The following IGF2BP2 variants were observed in gnomAD, a reference collection of about 807,000 sequenced individuals.
The protein encoded by IGF2BP2 is insulin-like growth factor 2 mRNA-binding protein 2.
IGF2BP2 carries 17 observed loss-of-function variants against 75.8 expected under a neutral mutation model. The observed-to-expected ratio is 0.22, with a 90% confidence interval of 0.15 to 0.34. IGF2BP2 has a LOEUF of 0.34. Ranked by LOEUF, IGF2BP2 falls within the 10% of genes least tolerant of loss-of-function variation. The probability of loss-of-function intolerance (pLI) is 1.00; values close to 1 mark genes in which losing one functional copy is unlikely to be tolerated. For synonymous variants in IGF2BP2, 288 were observed against 295.6 expected (o/e 0.97, Z 0.26); for missense variants, 516 against 772.4 (o/e 0.67, Z 3.93).
chr3:185,760,860 G>C (rs1379303715), intron 2 of IGF2BP2, among the ~76,000 whole-genome samples: 9 of 152,172 alleles, frequency 5.9e-5, no homozygotes, highest in African/African-American at 2.2e-4. Context: ...TTTAATAACT[G>C]TGTAGCATAT....
rs565363948 is a variant in IGF2BP2, at chr3:185,661,521, C to T, written c.1201-3112G>A. ...GCGTGGTGGTGGACACCTGCAATTC[C>T]AGCTATTCAGGAGGCTGAGGTGGGA... On this transcript the variant is annotated intron_variant, in intron 10 of 15. Coordinates refer to ENST00000382199, the MANE Select transcript of IGF2BP2 (RefSeq NM_006548.6). Among the ~76,000 whole-genome samples the T allele has an allele frequency of 1.3e-4, 20 of 151,380 alleles. No individual in the cohort carries two copies. The East Asian group carries it at 3.9e-3, about 29-fold the overall frequency.
At chr3:185,684,047 G>A (rs1424479775) in intron 7 of IGF2BP2, among the ~76,000 whole-genome samples, 7 of 152,164 alleles carry the variant, frequency 4.6e-5, no homozygotes, top group Admixed American at 4.6e-4. Context: ...TCTAACAGAT[G>A]CATTACTACT....
At chr3:185,671,639 A>C (rs1266911556) in intron 10 of IGF2BP2, among the ~76,000 whole-genome samples, 1 of 152,148 alleles carries the variant, frequency 6.6e-6, no homozygotes, top group African/African-American at 2.4e-5. Flanking sequence ...TGTGGGTGCC[A>C]GTTTGTGTCT....
intron 15 of IGF2BP2, among the ~76,000 whole-genome samples, chr3:185,646,450 C>G (rs760295385): frequency 1.3e-5 from 2 of 152,222 alleles, no homozygotes; most frequent in Non-Finnish European, 2.9e-5. Context: ...ACCAGGAACG[C>G]TCTCCCCAAA....
chr3:185,737,976 A>G (rs1046189805), intron 2 of IGF2BP2, among the ~76,000 whole-genome samples: 1 of 152,232 alleles, frequency 6.6e-6, no homozygotes, highest in Non-Finnish European at 1.5e-5. Flanking sequence ...TCAAATTTCC[A>G]AATAGTTTCC....
intron 7 of IGF2BP2, 37 bp from the exon 8 acceptor site, chr3:185,675,950 C>T (rs182953221): frequency 1.3e-4 from 208 of 1,596,144 alleles, no homozygotes; most frequent in Non-Finnish European, 1.6e-4. Context: ...ACTTCAGATA[C>T]GTATAACGGT....
intron 2 of IGF2BP2, among the ~76,000 whole-genome samples, chr3:185,723,254 G>A (rs1200893172): frequency 6.6e-6 from 1 of 152,148 alleles, no homozygotes; most frequent in Non-Finnish European, 1.5e-5. Flanking sequence ...TGGAAATCAT[G>A]ATATTGATTT....
intron 2 of IGF2BP2, among the ~76,000 whole-genome samples, chr3:185,816,155 A>G (rs1740571203): frequency 6.6e-6 from 1 of 152,190 alleles, no homozygotes; most frequent in Non-Finnish European, 1.5e-5. Flanking sequence ...CATTCACCAC[A>G]TGGCACATAG....
intron 2 of IGF2BP2, among the ~76,000 whole-genome samples, chr3:185,819,265 G>A (rs187893055): frequency 1.3e-5 from 2 of 151,864 alleles, no homozygotes; most frequent in Admixed American, 1.3e-4. Context: ...ATGTTTAGGT[G>A]TTTAGCCATT....
At chr3:185,786,476 G>A (rs111383767) in intron 2 of IGF2BP2, among the ~76,000 whole-genome samples, 157 of 152,166 alleles carry the variant, frequency 1.0e-3, no homozygotes, top group African/African-American at 3.6e-3. Flanking sequence ...CCTTAACTGA[G>A]CAATTAACCT....
At chr3:185,646,986 G>C (rs1388344182) in intron 15 of IGF2BP2, 39 bp downstream of exon 15, 1 of 1,473,520 alleles carries the variant, frequency 6.8e-7, no homozygotes, top group Admixed American at 1.7e-5. Flanking sequence ...GAATTGAAAA[G>C]AGACTTGCAG....
At chr3:185,782,324 G>A (rs1216948462) in intron 2 of IGF2BP2, among the ~76,000 whole-genome samples, 3 of 152,054 alleles carry the variant, frequency 2.0e-5, no homozygotes, top group South Asian at 2.1e-4. Flanking sequence ...AAAATCACAC[G>A]GCTAATTTCT....
chr3:185,706,302 T>C (rs576224179), intron 2 of IGF2BP2, among the ~76,000 whole-genome samples: 24 of 152,340 alleles, frequency 1.6e-4, no homozygotes, highest in African/African-American at 5.0e-4. Flanking sequence ...CTTGGGAGGC[T>C]GAGGTGTGAG....
intron 2 of IGF2BP2, among the ~76,000 whole-genome samples, chr3:185,768,714 T>C (rs969275795): frequency 1.3e-5 from 2 of 152,156 alleles, no homozygotes; most frequent in Non-Finnish European, 2.9e-5. Flanking sequence ...AAGCTTCTGA[T>C]AGATCAATAA....
chr3:185,682,438 G>A (rs1484572025), intron 7 of IGF2BP2, among the ~76,000 whole-genome samples: 2 of 152,108 alleles, frequency 1.3e-5, no homozygotes, highest in South Asian at 2.1e-4. Flanking sequence ...CTGACATCAC[G>A]CTCTTGGACT....
Position 185,817,305 on chromosome 3 carries a change from G to A in IGF2BP2, c.239+5848C>T, listed in dbSNP as rs1033920118. Among the ~76,000 whole-genome samples, 3 of 152,188 alleles carry A rather than the reference G, an allele frequency of 2.0e-5. No individual in the cohort carries two copies. The East Asian group carries it at 5.8e-4, about 29-fold the overall frequency. ...ACATAACTATCAAATGATGGAACAG[G>A]GCTAGCTTTTGGGCTTGAATGCCTC... On this transcript the variant is annotated intron_variant, in intron 2 of 15. Coordinates refer to ENST00000382199, the MANE Select transcript of IGF2BP2 (RefSeq NM_006548.6).
At chr3:185,694,298 C>A (rs1450753465) in intron 4 of IGF2BP2, among the ~76,000 whole-genome samples, 1 of 152,212 alleles carries the variant, frequency 6.6e-6, no homozygotes, top group East Asian at 1.9e-4. Flanking sequence ...TCTAGTGCTA[C>A]AGATAAGGCT....
intron 2 of IGF2BP2, among the ~76,000 whole-genome samples, chr3:185,710,152 A>ATTTTTT (rs567527407): frequency 2.6e-5 from 3 of 117,532 alleles, no homozygotes; most frequent in African/African-American, 3.3e-5. Flanking sequence ...GTAGTTTTAG[A>ATTTTTT]TTTTTTTTTT....
At chr3:185,794,433 C>T (rs1242852525) in intron 2 of IGF2BP2, among the ~76,000 whole-genome samples, 2 of 145,086 alleles carry the variant, frequency 1.4e-5, no homozygotes, top group South Asian at 2.2e-4. Context: ...CTTACATCCT[C>T]GCATTACTGA....
Sources: gnomAD v4.1 joint callset for allele counts (sites outside exome capture counted in the v4.1 genomes callset) on GRCh38, gnomAD v4.1.1 for gene constraint, MANE v1.5 for transcripts, NCBI Gene and HGNC (gene_info 2026-07-23, HGNC 2026-07-21) for gene names.